Variants in SLC22A31 observed in about 807,000 individuals in gnomAD.
The protein encoded by SLC22A31 is solute carrier family 22 member 31.
In SLC22A31, 42 loss-of-function variants were observed where a neutral mutation model predicts 27.4. The ratio of observed to expected loss-of-function variants is 1.53; its 90% confidence interval spans 1.20 to 1.98. SLC22A31 has a LOEUF of 1.98. Among genes scored for constraint, SLC22A31 ranks in the 30% most tolerant of loss-of-function variants. The probability of loss-of-function intolerance (pLI) is 0.00; values close to 1 mark genes in which losing one functional copy is unlikely to be tolerated. For synonymous variants in SLC22A31, 290 were observed against 230.8 expected (o/e 1.26, Z -2.33); for missense variants, 593 against 479.9 (o/e 1.24, Z -2.20).
rs1266489949 is a variant in SLC22A31, at chr16:89,199,484, G to A, written c.212C>T (p.Pro71Leu). Reference sequence around the variant, plus strand: ...GAGTAGGCGCAGGACCAGCAGGGTAGGGAAGCTGGCAGCCAGGGCCTCACT... The same window carrying A: ...GAGTAGGCGCAGGACCAGCAGGGTAAGGAAGCTGGCAGCCAGGGCCTCACT... The part of the protein sequence containing the change: ...GASEALAASF[P>L]TLLVLRLLHG... The change falls in exon 3 of 9, where the codon CCT becomes CTT. Residue 71 changes from proline to leucine, a missense_variant. Pro to Leu is a moderately conservative substitution (Grantham distance 98, BLOSUM62 -3). Transcript: ENST00000682282. The A allele has an allele frequency of 2.0e-6, 1 of 502,242 alleles. No homozygotes were observed. The highest frequency in any genetic ancestry group is 3.4e-5 in the Admixed American group (1 of 29,128). The allele number at this position is 502,242 out of a possible 1,614,324, so 31.1% of individuals were successfully genotyped here.
Position 89,199,065 on chromosome 16 carries a change from C to A in SLC22A31, c.410G>T (p.Gly137Val). 6.5e-7 allele frequency: 1 copy of A among 1,535,634 alleles called. No individual in the cohort carries two copies. The highest frequency in any genetic ancestry group is 8.7e-7 in the Non-Finnish European group (1 of 1,146,734). The change falls in exon 4 of 9, where the codon GGG (glycine) becomes GTG (valine). Residue 137 changes from glycine (G) to valine (V), a missense_variant. By Grantham distance (109) the Gly-to-Val change is moderately radical. Transcript: ENST00000682282. ...ALVQDWRLLQ[G>V]LGALMSGLLL... ...GAGTCCACTCATCAGGGCACCCAGC[C>A]CCTGCAGAAGACGCCAGTCCTGCAC...
rs1031729339 is a variant in SLC22A31 at position 89,198,134 on chromosome 16, C to T, written c.910G>A (p.Ala304Thr). 7 of 1,533,938 alleles carry T rather than the reference C, an allele frequency of 4.6e-6. No homozygotes were observed. Among genetic ancestry groups the T allele is most frequent in the East Asian group, 4.9e-5 (2 of 40,916 alleles). Residue 304 changes from alanine (A) to threonine (T), a missense_variant, in exon 7 of 9, where the codon GCT becomes ACT. Transcript: ENST00000682282. ...GCCCCAAGCTCACACTGGGCCCCAG[C>T]GAGGAGCAGCAGGGATGCCAGGCCT... The part of the protein sequence containing the change: ...VTGLASLLLL[A>T]GAQYLPGWTV...
chr16:89,198,361 G>A, intron 6 of SLC22A31, 25 bp from the exon 7 acceptor site: 1 of 1,535,286 alleles, frequency 6.5e-7, no homozygotes, highest in Non-Finnish European at 8.7e-7. Flanking sequence ...AAATCTATGG[G>A]CCCAGCCAGA....
At position 89,199,404 on chromosome 16, in the gene SLC22A31, G is replaced by A. The variant is rs1200334489; in HGVS notation, c.283+9C>T. On this transcript the variant is annotated intron_variant, in intron 3 of 8. Transcript: ENST00000682282. ...CTCCCCCAGTGACAGCAGCCCCCAG[G>A]GTACTCACGAGCCAGATACAGGGCG... is the stretch of plus-strand genomic sequence containing the variant. 8.6e-6 allele frequency: 5 copies of A among 582,718 alleles called. No homozygotes were observed. The highest frequency in any genetic ancestry group is 6.7e-5 in the South Asian group (3 of 44,714). 36.1% of individuals were successfully genotyped at this position (582,718 alleles called of 1,614,324 possible).
In SLC22A31 at chr16:89,198,770, G is replaced by C; in HGVS notation, c.480C>G (p.Pro160=). The stretch of plus-strand genomic sequence containing the variant: ...CCTGACCTGTGGCCAGCAGCCAGCA[G>C]GGAGACTCGGGGAACAGGGCCGGGA... ...WGFPALFPES[P]CWLLATGQVA... Residue 160 remains proline (P), a synonymous_variant, in exon 5 of 9, where the codon CCC becomes CCG. Transcript: ENST00000682282. 3.3e-6 allele frequency: 5 copies of C among 1,533,882 alleles called. No individual in the cohort carries two copies. Among genetic ancestry groups the C allele is most frequent in the Non-Finnish European group, 4.4e-6 (5 of 1,145,238 alleles).
rs1282958654 is a variant in SLC22A31, at chr16:89,197,475, C to T, written c.923-66G>A. The stretch of plus-strand genomic sequence containing the variant: ...GCCTTCCACCCTGGCCACTCAGGGC[C>T]CTTCCCCAGAGAACCACACCACTGT... On this transcript the variant is annotated intron_variant, in intron 7 of 8. Coordinates refer to ENST00000682282, the MANE Select transcript of SLC22A31 (RefSeq NM_001384763.1). 4 of 1,194,658 alleles carry T rather than the reference C, an allele frequency of 3.3e-6. No homozygotes were observed. In the African/African-American group the frequency reaches 4.6e-5, roughly 14 times the overall value. 74.0% of individuals were successfully genotyped at this position (1,194,658 alleles called of 1,614,324 possible).
rs1471299106 is a variant in SLC22A31, at chr16:89,198,779, G to A, written c.471C>T (p.Pro157=). ...TGGCCAGCAGCCAGCAGGGAGACTC[G>A]GGGAACAGGGCCGGGAACCTGCAGC... ...LLFWGFPALF[P]ESPCWLLATG... Residue 157 remains proline (P), a synonymous_variant, in exon 5 of 9, where the codon CCC becomes CCT. Transcript: ENST00000682282. 5.2e-6 allele frequency: 8 copies of A among 1,532,870 alleles called. No homozygotes were observed. Among genetic ancestry groups the A allele is most frequent in the East Asian group, 2.4e-5 (1 of 40,826 alleles). The allele number at this position is 1,532,870 out of a possible 1,614,324, so 95.0% of individuals were successfully genotyped here.
chr16:89,197,262 G>GA (rs1169922420), intron 8 of SLC22A31, 36 bp downstream of exon 8: 1 of 1,497,720 alleles, frequency 6.7e-7, no homozygotes, highest in Admixed American at 2.0e-5. Flanking sequence ...AGAGGCCCTG[G>GA]ACCCTGCTGT....
rs1027550560 is a variant in SLC22A31 at position 89,196,093 on chromosome 16, G to T, written c.1247C>A (p.Ser416Tyr). The part of the protein sequence containing the change: ...SLQDADRLRR[S>Y]PLLRGRPRQD... ...GCGGGGGCGGCCCCGCAGGAGTGGG[G>T]AGCGGCGCAGGCGGTCGGCGTCCTG... The change falls in exon 9 of 9, where the codon TCC becomes TAC. Residue 416 changes from serine (S) to tyrosine (Y), a missense_variant. Ser to Tyr is a moderately radical substitution (Grantham distance 144). Transcript: ENST00000682282. 2 of 1,533,556 alleles carry T rather than the reference G, an allele frequency of 1.3e-6. No homozygotes were observed. Among genetic ancestry groups the T allele is most frequent in the Non-Finnish European group, 1.7e-6 (2 of 1,146,184 alleles). 95.0% of individuals were successfully genotyped at this position (1,533,556 alleles called of 1,614,324 possible). A position where few individuals can be genotyped will look rare whatever the true frequency, so the allele number is the denominator to read the frequency against.
chr16:89,197,266 C>T (rs1916036273), intron 8 of SLC22A31, 32 bp downstream of exon 8: 1 of 1,512,242 alleles, frequency 6.6e-7, no homozygotes, highest in Non-Finnish European at 8.9e-7. Context: ...GCCCTGGACC[C>T]TGCTGTGTGG....
At chr16:89,200,131 C>T (rs964167) in intron 1 of SLC22A31, 249,829 of 250,454 alleles carry the variant, frequency 1, 124,610 homozygotes, top group Middle Eastern at 1. Flanking sequence ...TTGTCCGACC[C>T]GTTTCCACCT....
chr16:89,199,686 G>A (rs1190886641), intron 2 of SLC22A31, 27 bp downstream of exon 2: 2 of 405,930 alleles, frequency 4.9e-6, no homozygotes, highest in Admixed American at 4.2e-5. Flanking sequence ...GGGCTGCTGG[G>A]CAGCAGGAAA....
In SLC22A31 at chr16:89,197,317, C is replaced by G. The variant is rs753724904; in HGVS notation, c.1015G>C (p.Val339Leu). The G allele has an allele frequency of 6.5e-7, 1 of 1,535,786 alleles. No individual in the cohort carries two copies. Among genetic ancestry groups the G allele is most frequent in the South Asian group, 1.2e-5 (1 of 84,048 alleles). Residue 339 changes from valine (V) to leucine (L), a missense_variant, in exon 8 of 9, where the codon GTC becomes CTC. By Grantham distance (32) the Val-to-Leu change is conservative (BLOSUM62 1). Coordinates refer to ENST00000682282, the MANE Select transcript of SLC22A31 (RefSeq NM_001384763.1). ...SALSSLFAAE[V>L]FPTVIRGAGL... ...GCTCACCTGATCACCGTGGGGAAGA[C>G]CTCGGCCGCGAAGAGGCTGCTGAGT...
At chr16:89,201,147 G>A (rs1916574975), upstream of SLC22A31, 1 of 378,212 alleles carries the variant, frequency 2.6e-6, no homozygotes, top group Non-Finnish European at 4.7e-6. Context: ...GGAAGCCCAG[G>A]AGGACGGCCG....
Position 89,196,077 on chromosome 16 carries a change from G to A in SLC22A31, c.1263C>T (p.Gly421=), listed in dbSNP as rs779104319. The stretch of plus-strand genomic sequence containing the variant: ...GAGGCAGGTGGTCCTGGCGGGGGCG[G>A]CCCCGCAGGAGTGGGGAGCGGCGCA... ...DRLRRSPLLR[G]RPRQDHLPLL... Residue 421 remains glycine, a synonymous_variant, in exon 9 of 9, where the codon GGC becomes GGT. Coordinates refer to ENST00000682282, the MANE Select transcript of SLC22A31 (RefSeq NM_001384763.1). 16 of 1,531,810 alleles carry A rather than the reference G, an allele frequency of 1.0e-5. No individual in the cohort carries two copies. The highest frequency in any genetic ancestry group is 1.4e-5 in the African/African-American group (1 of 72,884). 94.9% of individuals were successfully genotyped at this position (1,531,810 alleles called of 1,614,324 possible). A position where few individuals can be genotyped will look rare whatever the true frequency, so the allele number is the denominator to read the frequency against.
Position 89,199,169 on chromosome 16 carries a change from G to A in SLC22A31, c.306C>T (p.Pro102=). 1 of 1,531,130 alleles carries A rather than the reference G, an allele frequency of 6.5e-7. No individual in the cohort carries two copies. Among genetic ancestry groups the A allele is most frequent in the Non-Finnish European group, 8.7e-7 (1 of 1,144,890 alleles). The allele number at this position is 1,531,130 out of a possible 1,614,324, so 94.8% of individuals were successfully genotyped here. A position where few individuals can be genotyped will look rare whatever the true frequency, so the allele number is the denominator to read the frequency against. The part of the protein sequence containing the change: ...YLARLELCDP[P]HRLAFSMGAG... ...CCCCCATGGAGAAGGCCAGGCGGTG[G>A]GGAGGGTCACACAACTCCAGGCCTG... Residue 102 remains proline (P), a synonymous_variant, in exon 4 of 9, where the codon CCC becomes CCT. Coordinates refer to ENST00000682282, the MANE Select transcript of SLC22A31 (RefSeq NM_001384763.1).
intron 8 of SLC22A31, 48 bp downstream of exon 8, chr16:89,197,250 T>G: frequency 7.0e-7 from 1 of 1,430,562 alleles, no homozygotes; most frequent in Non-Finnish European, 9.5e-7. Flanking sequence ...CTCCTCCCCA[T>G]GAGAGGCCCT....
At chr16:89,200,079 C>A in intron 1 of SLC22A31, 1 of 345,742 alleles carries the variant, frequency 2.9e-6, no homozygotes, top group Non-Finnish European at 5.2e-6. Flanking sequence ...ATAGGGCCTC[C>A]CCCACCTCCG....
At chr16:89,198,882 A>C in intron 4 of SLC22A31, 85 bp from the exon 5 acceptor site, 1 of 1,490,278 alleles carries the variant, frequency 6.7e-7, no homozygotes, top group Non-Finnish European at 8.9e-7. Flanking sequence ...CCCCACCCCC[A>C]GGCTCAGGGG....
Sources: allele counts gnomAD v4.1 joint callset, GRCh38; gene constraint gnomAD v4.1.1; transcripts MANE v1.5; gene names NCBI Gene and HGNC (gene_info 2026-07-23, HGNC 2026-07-21).